The following ZCCHC7 variants were observed in gnomAD, a reference collection of about 807,000 sequenced individuals.
ZCCHC7 encodes the protein zinc finger CCHC domain-containing protein 7.
In ZCCHC7, 35 loss-of-function variants were observed where a neutral mutation model predicts 52.0. The ratio of observed to expected loss-of-function variants is 0.67; its 90% CI spans 0.51 to 0.89. The LOEUF (loss-of-function observed/expected upper bound fraction) is 0.89. Ranked by LOEUF, ZCCHC7 falls within the 40% of genes least tolerant of loss-of-function variation. ZCCHC7 has a pLI of 0.00. For synonymous variants in ZCCHC7, 217 were observed against 221.5 expected (o/e 0.98, Z 0.18); for missense variants, 574 against 649.1 (o/e 0.88, Z 1.26).
At chr9:37,133,352 A>G (rs1251779756) in intron 2 of ZCCHC7, among the ~76,000 whole-genome samples, 1 of 149,760 alleles carries the variant, frequency 6.7e-6, no homozygotes, top group African/African-American at 2.5e-5. Flanking sequence ...TAGACATGCA[A>G]TTTTTTTTGG....
intron 2 of ZCCHC7, among the ~76,000 whole-genome samples, chr9:37,289,718 A>G (rs1828441478): frequency 6.6e-6 from 1 of 152,208 alleles, no homozygotes; most frequent in African/African-American, 2.4e-5. Flanking sequence ...CACTCAGAGT[A>G]AAAGTCAAAA....
chr9:37,259,932 T>C (rs550832106), intron 2 of ZCCHC7, among the ~76,000 whole-genome samples: 3 of 152,324 alleles, frequency 2.0e-5, no homozygotes, highest in African/African-American at 4.8e-5. Context: ...TACAAAAATA[T>C]TGTTCTTTTC....
At chr9:37,303,435 AAAAG>A (rs1159094168) in intron 3 of ZCCHC7, among the ~76,000 whole-genome samples, 29 of 151,820 alleles carry the variant, frequency 1.9e-4, no homozygotes, top group Middle Eastern at 3.4e-3. Context: ...CAAAAAAAAA[AAAAG>A]AAAGAAAGAA....
At chr9:37,251,828 G>A (rs1156643578) in intron 2 of ZCCHC7, among the ~76,000 whole-genome samples, 3 of 152,170 alleles carry the variant, frequency 2.0e-5, no homozygotes, top group Non-Finnish European at 4.4e-5. Flanking sequence ...CACCAGTATC[G>A]TGTGATCACT....
At chr9:37,178,334 C>CG (rs1215710305) in intron 2 of ZCCHC7, among the ~76,000 whole-genome samples, 2 of 150,548 alleles carry the variant, frequency 1.3e-5, no homozygotes, top group East Asian at 3.9e-4. Context: ...CACATCCCAG[C>CG]GTCACATACC....
intron 2 of ZCCHC7, among the ~76,000 whole-genome samples, chr9:37,135,954 A>C (rs1842980333): frequency 6.6e-6 from 1 of 152,232 alleles, no homozygotes; most frequent in African/African-American, 2.4e-5. Flanking sequence ...ATATCTAATT[A>C]AAATTTGAAT....
chr9:37,215,476 TC>T (rs1382251430), intron 2 of ZCCHC7, among the ~76,000 whole-genome samples: 2 of 152,192 alleles, frequency 1.3e-5, no homozygotes, highest in African/African-American at 4.8e-5. Flanking sequence ...ATAGCATAGC[TC>T]CCTAAGGAGC....
chr9:37,193,814 G>A (rs1030203324), intron 2 of ZCCHC7, among the ~76,000 whole-genome samples: 1 of 152,078 alleles, frequency 6.6e-6, no homozygotes, highest in African/African-American at 2.4e-5. Flanking sequence ...AAATTTGTCC[G>A]CCTTCAGGAA....
intron 2 of ZCCHC7, chr9:37,187,185 A>G (rs1035310754): frequency 6.6e-6 from 1 of 152,300 alleles, no homozygotes; most frequent in Non-Finnish European, 1.5e-5. Flanking sequence ...GGCAAATAAT[A>G]CATCTTTTCA....
Position 37,329,751 on chromosome 9 carries a change from A to G in ZCCHC7, c.987+1917A>G, listed in dbSNP as rs12238804. On this transcript the variant is annotated intron_variant, in intron 6 of 8. Transcript: ENST00000336755. ...ATGCATGATGATTTTAGTCATCTTC[A>G]GCTCTTTTACTAGGCGATGGACTGC... 2.3e-3 allele frequency among the ~76,000 whole-genome samples: 357 copies of G among 152,014 alleles called. 9 individuals carry two copies. In the East Asian group the frequency reaches 0.061, roughly 26 times the overall value.
chr9:37,131,444 G>A (rs1842781037), intron 2 of ZCCHC7, among the ~76,000 whole-genome samples: 2 of 151,916 alleles, frequency 1.3e-5, no homozygotes, highest in South Asian at 2.1e-4. Flanking sequence ...TCAGGAGTTC[G>A]AGACCAGCCT....
intron 2 of ZCCHC7, among the ~76,000 whole-genome samples, chr9:37,151,264 C>A (rs548231674): frequency 5.8e-4 from 89 of 152,176 alleles, no homozygotes; most frequent in African/African-American, 2.0e-3. Context: ...CCGTGCCCGA[C>A]CGATTTATCT....
intron 5 of ZCCHC7, among the ~76,000 whole-genome samples, chr9:37,312,896 A>T (rs1164140208): frequency 6.6e-6 from 1 of 152,262 alleles, no homozygotes; most frequent in Non-Finnish European, 1.5e-5. Flanking sequence ...ATGAGAATGC[A>T]TAAATAAGAA....
At chr9:37,321,197 C>G (rs989807773) in intron 5 of ZCCHC7, among the ~76,000 whole-genome samples, 1 of 151,806 alleles carries the variant, frequency 6.6e-6, no homozygotes, top group African/African-American at 2.4e-5. Context: ...ATCGTGTTAG[C>G]CAGGATGGTC....
chr9:37,226,498 G>C lies in ZCCHC7; in HGVS notation c.611-75690G>C, dbSNP rs73646335. On this transcript the variant is annotated intron_variant, in intron 2 of 8. Coordinates refer to ENST00000336755, the MANE Select transcript of ZCCHC7 (RefSeq NM_032226.3). ...TAGAATACAATGATTAAAACCGCAG[G>C]ATAGTATTGTGAAGATTAGTATGTA... Among the ~76,000 whole-genome samples the C allele has an allele frequency of 4.3e-3, 648 of 152,262 alleles. 4 individuals are homozygous for C. The highest frequency in any genetic ancestry group is 0.015 in the African/African-American group (608 of 41,534).
chr9:37,179,724 A>G (rs1822246928), intron 2 of ZCCHC7, among the ~76,000 whole-genome samples: 1 of 152,184 alleles, frequency 6.6e-6, no homozygotes. Context: ...ATAATACAGA[A>G]TCCCATCATT....
At chr9:37,198,700 C>A (rs1469354830) in intron 2 of ZCCHC7, among the ~76,000 whole-genome samples, 3 of 152,198 alleles carry the variant, frequency 2.0e-5, no homozygotes, top group African/African-American at 7.2e-5. Flanking sequence ...ATAGAGCTTG[C>A]TCCCTCAAAC....
chr9:37,169,586 C>T (rs1444384933), intron 2 of ZCCHC7, among the ~76,000 whole-genome samples: 1 of 152,092 alleles, frequency 6.6e-6, no homozygotes, highest in African/African-American at 2.4e-5. Flanking sequence ...ATTTAATAGT[C>T]TTCAGAAATT....
intron 2 of ZCCHC7, among the ~76,000 whole-genome samples, chr9:37,299,948 A>G (rs1355607575): frequency 2.6e-5 from 4 of 152,188 alleles, no homozygotes; most frequent in Non-Finnish European, 5.9e-5. Flanking sequence ...TACAGTTTTC[A>G]TAGGCTGTGA....
Sources: gnomAD v4.1 joint callset for allele counts (sites outside exome capture counted in the v4.1 genomes callset) on GRCh38, gnomAD v4.1.1 for gene constraint, MANE v1.5 for transcripts, NCBI Gene and HGNC (gene_info 2026-07-23, HGNC 2026-07-21) for gene names.